LRMDA: variants seen among roughly 807,000 people sequenced by gnomAD.
LRMDA encodes leucine rich melanocyte differentiation associated.
A neutral mutation model predicts 29.8 loss-of-function variants in LRMDA; 18 were observed. The ratio of observed to expected loss-of-function variants is 0.60; its 90% CI spans 0.42 to 0.90. The LOEUF (loss-of-function observed/expected upper bound fraction) is 0.90, where lower values mean the gene tolerates loss of function less well. Ranked by LOEUF, LRMDA falls within the 40% of genes least tolerant of loss-of-function variation. The pLI, the probability that LRMDA is intolerant of heterozygous loss-of-function variation, is 0.00. For missense variants in LRMDA, 273 were observed against 273.9 expected (o/e 1.00, Z 0.02); for synonymous variants, 125 against 109.4 (o/e 1.14, Z -0.89).
rs577745494 is a variant in LRMDA, at chr10:75,770,550, C to T, written c.132-265458C>T. On this transcript the variant is annotated intron_variant, in intron 2 of 6. Transcript: ENST00000611255. ...TAGCAGTTCTTTTCCCAGAGGCCAC[C>T]ATCACTAACAGCTTCTTTTGTTGTC... is the stretch of plus-strand genomic sequence containing the variant. 2.5e-4 allele frequency among the ~76,000 whole-genome samples: 38 copies of T among 152,338 alleles called. No homozygotes were observed. In the East Asian group the frequency reaches 5.2e-3, roughly 21 times the overall value.
At chr10:75,634,238 A>C (rs1236927148) in intron 2 of LRMDA, among the ~76,000 whole-genome samples, 1 of 152,214 alleles carries the variant, frequency 6.6e-6, no homozygotes, top group Non-Finnish European at 1.5e-5. Flanking sequence ...GGCCATGTCC[A>C]TTATGATTTA....
chr10:76,202,118 G>A lies in LRMDA; in HGVS notation c.517-122283G>A, dbSNP rs948196292. ...TACCTTTCAAGTCTGATTCTGTCAC[G>A]TTGGCTACTTTTTTATTGCTCAAAG... is the stretch of plus-strand genomic sequence containing the variant. On this transcript the variant is annotated intron_variant, in intron 5 of 6. Coordinates refer to ENST00000611255, the MANE Select transcript of LRMDA (RefSeq NM_001305581.2). Among the ~76,000 whole-genome samples the A allele has an allele frequency of 3.9e-5, 6 of 152,128 alleles. No homozygotes were observed. The East Asian group carries it at 9.6e-4, about 24-fold the overall frequency.
At chr10:75,916,164 A>ACG (rs756069662) in intron 2 of LRMDA, among the ~76,000 whole-genome samples, 7 of 124,418 alleles carry the variant, frequency 5.6e-5, no homozygotes, top group Non-Finnish European at 9.5e-5. Context: ...TGCCAGGCCT[A>ACG]TGTGTGTGTG....
At chr10:76,330,990 G>T (rs1437800411) in intron 6 of LRMDA, among the ~76,000 whole-genome samples, 1 of 152,142 alleles carries the variant, frequency 6.6e-6, no homozygotes, top group Non-Finnish European at 1.5e-5. Flanking sequence ...TAAACATGAG[G>T]CCAGGTGCCG....
At chr10:76,022,178 C>A (rs184361108) in intron 2 of LRMDA, among the ~76,000 whole-genome samples, 19 of 152,278 alleles carry the variant, frequency 1.2e-4, no homozygotes, top group African/African-American at 4.3e-4. Flanking sequence ...TCTGTTTATG[C>A]CCTTGTTTCA....
chr10:76,085,639 G>A (rs182917144), intron 5 of LRMDA, among the ~76,000 whole-genome samples: 4 of 152,160 alleles, frequency 2.6e-5, no homozygotes, highest in African/African-American at 7.2e-5. Context: ...TTGGAGAGTC[G>A]GTCTCTTTCC....
chr10:76,248,254 G>T (rs1018776320), intron 5 of LRMDA, among the ~76,000 whole-genome samples: 1 of 152,158 alleles, frequency 6.6e-6, no homozygotes, highest in African/African-American at 2.4e-5. Context: ...ATCCTACCAT[G>T]CACAGGACAG....
chr10:75,638,046 T>A (rs534881178), intron 2 of LRMDA, among the ~76,000 whole-genome samples: 2 of 152,344 alleles, frequency 1.3e-5, no homozygotes, highest in East Asian at 3.9e-4. Context: ...AATCTTTTTT[T>A]TTCCTCTTTA....
At chr10:76,277,211 A>G (rs1840146837) in intron 5 of LRMDA, among the ~76,000 whole-genome samples, 1 of 152,174 alleles carries the variant, frequency 6.6e-6, no homozygotes, top group Non-Finnish European at 1.5e-5. Flanking sequence ...GCTGTATCAG[A>G]CGACTCTGTG....
At chr10:75,567,117 C>T (rs1840381923) in intron 2 of LRMDA, among the ~76,000 whole-genome samples, 1 of 152,162 alleles carries the variant, frequency 6.6e-6, no homozygotes, top group African/African-American at 2.4e-5. Flanking sequence ...TGTCTTCTCT[C>T]TCTCTCTCTC....
chr10:76,460,732 C>G (rs527933457), intron 6 of LRMDA, among the ~76,000 whole-genome samples: 1 of 152,320 alleles, frequency 6.6e-6, no homozygotes, highest in African/African-American at 2.4e-5. Context: ...GCAGATACCA[C>G]CAGCACTCTT....
At chr10:75,859,103 A>G (rs1844875679) in intron 2 of LRMDA, among the ~76,000 whole-genome samples, 1 of 152,186 alleles carries the variant, frequency 6.6e-6, no homozygotes, top group African/African-American at 2.4e-5. Flanking sequence ...GCCAAAGTTT[A>G]TTTGATCCTT....
At chr10:75,546,721 C>T (rs539059322) in intron 2 of LRMDA, among the ~76,000 whole-genome samples, 5 of 151,606 alleles carry the variant, frequency 3.3e-5, no homozygotes, top group East Asian at 1.9e-4. Flanking sequence ...TACTGTAGTC[C>T]GGAGAGAAGA....
intron 2 of LRMDA, among the ~76,000 whole-genome samples, chr10:75,591,033 C>T (rs1271292063): frequency 2.0e-5 from 3 of 152,028 alleles, no homozygotes; most frequent in Non-Finnish European, 2.9e-5. Context: ...TGAGCCACCG[C>T]GCCAGGTCAG....
At chr10:75,699,725 C>T (rs533385986) in intron 2 of LRMDA, among the ~76,000 whole-genome samples, 5 of 152,290 alleles carry the variant, frequency 3.3e-5, no homozygotes, top group African/African-American at 1.2e-4. Context: ...GGCATGTTGT[C>T]GCAATCCCTG....
intron 2 of LRMDA, among the ~76,000 whole-genome samples, chr10:75,485,816 G>A (rs898399821): frequency 6.6e-6 from 1 of 152,184 alleles, no homozygotes; most frequent in African/African-American, 2.4e-5. Context: ...GACCTCAAGT[G>A]ATCTGCCTGC....
chr10:75,431,679 C>T lies in LRMDA; in HGVS notation c.-46C>T, dbSNP rs574032132. The T allele has an allele frequency of 1.3e-4, 169 of 1,263,378 alleles. 2 individuals are homozygous for T. The Middle Eastern group carries it at 6.1e-3, about 45-fold the overall frequency. The allele number at this position is 1,263,378 out of a possible 1,614,324, so 78.3% of individuals were successfully genotyped here. Reference sequence around the variant, plus strand: ...CTGCCGCGCTCCCCGCTGCTGCCGCCGCGCCCCCGCGCTCCGTCCCGCGCG... The same window carrying T: ...CTGCCGCGCTCCCCGCTGCTGCCGCTGCGCCCCCGCGCTCCGTCCCGCGCG... On this transcript the variant is annotated 5_prime_UTR_variant, in exon 1 of 7. Transcript: ENST00000611255.
At chr10:75,617,488 C>T (rs1055117700) in intron 2 of LRMDA, among the ~76,000 whole-genome samples, 1 of 152,200 alleles carries the variant, frequency 6.6e-6, no homozygotes. Context: ...TTTGTATTCT[C>T]AGTGCACTGC....
intron 6 of LRMDA, among the ~76,000 whole-genome samples, chr10:76,328,467 G>A (rs1840863815): frequency 6.6e-6 from 1 of 152,166 alleles, no homozygotes; most frequent in South Asian, 2.1e-4. Flanking sequence ...GAATTGCTGG[G>A]GATGATGGAG....
Sources: gnomAD v4.1 joint callset for allele counts (sites outside exome capture counted in the v4.1 genomes callset) on GRCh38, gnomAD v4.1.1 for gene constraint, MANE v1.5 for transcripts, NCBI Gene and HGNC (gene_info 2026-07-23, HGNC 2026-07-21) for gene names.